The following HTR2C variants were observed in gnomAD, a reference collection of about 807,000 sequenced individuals.
The protein encoded by HTR2C is 5-hydroxytryptamine receptor 2C.
In HTR2C, 5 loss-of-function variants were observed where a neutral mutation model predicts 21.0. The ratio of observed to expected loss-of-function variants is 0.24; its 90% CI spans 0.12 to 0.50. The LOEUF (loss-of-function observed/expected upper bound fraction) is 0.50. Ranked by LOEUF, HTR2C falls within the 20% of genes least tolerant of loss-of-function variation. The probability of loss-of-function intolerance (pLI) is 0.98; values close to 1 mark genes in which losing one functional copy is unlikely to be tolerated. For missense variants in HTR2C, 271 were observed against 371.2 expected, an observed-to-expected ratio of 0.73 and a Z score of 2.22; for synonymous variants, 150 against 145.3, an observed-to-expected ratio of 1.03 and a Z score of -0.23.
chrX:114,787,002 A>G lies in HTR2C; in HGVS notation c.349+55395A>G, dbSNP rs1260315697. On this transcript the variant is annotated intron_variant, in intron 4 of 5. Coordinates refer to ENST00000276198, the MANE Select transcript of HTR2C (RefSeq NM_000868.4). ...CATTTTATTAAGTGGCTGTGGCACA[A>G]AACACAGGCGACTGAAGTGAAAGCA... Among the ~76,000 whole-genome samples the G allele has an allele frequency of 6.3e-5, 7 of 111,741 alleles. No individual in the cohort carries two copies. In the Admixed American group the frequency reaches 6.7e-4, roughly 11 times the overall value.
At chrX:114,609,756 C>T (rs1457594128) in intron 1 of HTR2C, among the ~76,000 whole-genome samples, 6 of 111,852 alleles carry the variant, frequency 5.4e-5, no homozygotes, top group Admixed American at 2.8e-4. Flanking sequence ...ATGAAAATAT[C>T]GTTTTGAACA....
chrX:114,625,435 A>G (rs1426120421), intron 2 of HTR2C, among the ~76,000 whole-genome samples: 1 of 110,938 alleles, frequency 9.0e-6, no homozygotes, highest in Admixed American at 9.6e-5. Flanking sequence ...AGACACCATG[A>G]GAGCTGGTTA....
intron 4 of HTR2C, among the ~76,000 whole-genome samples, chrX:114,834,513 A>C (rs782750128): frequency 1.8e-5 from 2 of 111,128 alleles, no homozygotes; most frequent in African/African-American, 6.5e-5. Flanking sequence ...ATCAGAGACT[A>C]GGATTGCAAC....
chrX:114,640,966 TTTTC>T (rs142023390), intron 2 of HTR2C, among the ~76,000 whole-genome samples: 11,230 of 99,661 alleles, frequency 0.11, 718 homozygotes, highest in South Asian at 0.25. Flanking sequence ...CTCCCTCCCT[TTTTC>T]TTTCTTTTTT....
chrX:114,857,385 C>G lies in HTR2C; in HGVS notation c.550+9182C>G, dbSNP rs2070971422. 1.8e-5 allele frequency among the ~76,000 whole-genome samples: 2 copies of G among 111,024 alleles called. 1 individual carries two copies. The highest frequency in any genetic ancestry group is 3.8e-5 in the Non-Finnish European group (2 of 52,802). On this transcript the variant is annotated intron_variant, in intron 5 of 5. Transcript: ENST00000276198. ...GTTCCATATAAAATAGACTACAGAC[C>G]AGATTTGGCCGATGAACCATAGTTT...
At chrX:114,634,172 G>A (rs1393719856) in intron 2 of HTR2C, among the ~76,000 whole-genome samples, 9 of 109,537 alleles carry the variant, frequency 8.2e-5, no homozygotes, top group African/African-American at 3.0e-4. Context: ...TTACAAATGT[G>A]GGCCTTTTTA....
rs1556487144 is a variant in HTR2C, at chrX:114,906,969, A to T, written c.931A>T (p.Lys311Ter). The change falls in exon 6 of 6, where the codon AAA becomes TAA. Residue 311 changes from lysine to a stop codon, truncating the protein, a stop_gained. Transcript: ENST00000276198. LOFTEE classifies it high-confidence loss of function. ...TATCAACAATGAAAGAAAAGCTTCG[A>T]AAGTCCTTGGGATTGTTTTCTTTGT... ...QAINNERKAS[K>*]VLGIVFFVFL... The T allele has an allele frequency of 8.3e-7, 1 of 1,211,328 alleles. No individual in the cohort carries two copies. Among genetic ancestry groups the T allele is most frequent in the Admixed American group, 2.2e-5 (1 of 45,986 alleles).
intron 2 of HTR2C, among the ~76,000 whole-genome samples, chrX:114,647,165 C>T (rs1477650874): frequency 9.0e-6 from 1 of 110,926 alleles, no homozygotes; most frequent in Non-Finnish European, 1.9e-5. Flanking sequence ...AATCTTATTG[C>T]ACAGCATGAG....
In HTR2C at chrX:114,652,766, A is replaced by G. The variant is rs782312699; in HGVS notation, c.-80+38885A>G. 5 of 322,988 alleles carry G rather than the reference A, an allele frequency of 1.5e-5. No homozygotes were observed. In the South Asian group the frequency reaches 1.6e-4, roughly 10 times the overall value. The allele number at this position is 322,988 out of a possible 1,213,427, so 26.6% of individuals were successfully genotyped here. ...ACCCAGACAGACCTTATGATCTAGT[A>G]TGGGAGAGAAGAAATATAAGGAGAA... On this transcript the variant is annotated intron_variant, in intron 2 of 5. Transcript: ENST00000276198.
chrX:114,845,651 A>C (rs1217054943), intron 4 of HTR2C, among the ~76,000 whole-genome samples: 1 of 110,781 alleles, frequency 9.0e-6, no homozygotes, highest in Admixed American at 9.6e-5. Flanking sequence ...GAGAAGACAC[A>C]AATTACAAAA....
chrX:114,722,957 G>T (rs1933286179), intron 2 of HTR2C, among the ~76,000 whole-genome samples: 1 of 111,123 alleles, frequency 9.0e-6, no homozygotes, highest in Admixed American at 9.6e-5. Flanking sequence ...GTTCATCAAG[G>T]ATATCGGTCT....
chrX:114,713,750 TA>T (rs1203449728), intron 2 of HTR2C, among the ~76,000 whole-genome samples: 6 of 111,734 alleles, frequency 5.4e-5, no homozygotes, highest in African/African-American at 1.9e-4. Flanking sequence ...TTTGAATTAT[TA>T]TGAAATGATT....
chrX:114,769,573 T>G (rs1556436471), intron 4 of HTR2C, among the ~76,000 whole-genome samples: 2 of 111,070 alleles, frequency 1.8e-5, no homozygotes, highest in African/African-American at 6.5e-5. Context: ...TTAATTACAG[T>G]AGAATTTCAT....
chrX:114,843,265 ATAAT>A (rs782249944), intron 4 of HTR2C, among the ~76,000 whole-genome samples: 1 of 111,720 alleles, frequency 9.0e-6, no homozygotes, highest in African/African-American at 3.2e-5. Context: ...GATAGAGAAT[ATAAT>A]TAAAGGGATA....
At chrX:114,729,815 A>G (rs1219224420) in intron 3 of HTR2C, among the ~76,000 whole-genome samples, 11 of 111,263 alleles carry the variant, frequency 9.9e-5, no homozygotes, top group African/African-American at 3.6e-4. Context: ...TAATATGGAG[A>G]ACACATAGAC....
chrX:114,797,648 T>C (rs1469134056), intron 4 of HTR2C, among the ~76,000 whole-genome samples: 2 of 111,953 alleles, frequency 1.8e-5, no homozygotes, highest in Non-Finnish European at 3.8e-5. Context: ...GAGCACATTG[T>C]TCCATAAGTG....
At chrX:114,837,444 G>A (rs939487775) in intron 4 of HTR2C, among the ~76,000 whole-genome samples, 15 of 111,676 alleles carry the variant, frequency 1.3e-4, no homozygotes, top group South Asian at 7.3e-4. Context: ...AAGAGAGTAC[G>A]TGTGCAGGTT....
At chrX:114,667,326 CTT>C (rs199969552) in intron 2 of HTR2C, among the ~76,000 whole-genome samples, 1,172 of 110,834 alleles carry the variant, frequency 0.011, 21 homozygotes, top group African/African-American at 0.036. Context: ...AAAAACAGGA[CTT>C]AAATAAATTT....
intron 4 of HTR2C, among the ~76,000 whole-genome samples, chrX:114,797,391 C>G (rs782132767): frequency 9.0e-6 from 1 of 111,345 alleles, no homozygotes; most frequent in Admixed American, 9.6e-5. Context: ...TCCAATCTAC[C>G]TGTATTTGTC....
Sources: allele counts gnomAD v4.1 joint callset (sites outside exome capture counted in the v4.1 genomes callset), GRCh38; gene constraint gnomAD v4.1.1; transcripts MANE v1.5; gene names NCBI Gene and HGNC (gene_info 2026-07-23, HGNC 2026-07-21).